Variants in DOCK3 observed in about 807,000 individuals in gnomAD.
DOCK3 encodes dedicator of cytokinesis protein 3.
Under a neutral mutation model 265.6 loss-of-function variants are expected in DOCK3, and 60 were observed. The observed-to-expected ratio is 0.23, with a 90% confidence interval of 0.18 to 0.28. DOCK3 has a LOEUF of 0.28. DOCK3 is among the 10% of genes least tolerant of loss of function. The pLI, the probability that DOCK3 is intolerant of heterozygous loss-of-function variation, is 1.00. For missense variants in DOCK3, 1,981 were observed against 2,594.3 expected (o/e 0.76, Z 5.14); for synonymous variants, 881 against 938.0 (o/e 0.94, Z 1.11).
intron 1 of DOCK3, among the ~76,000 whole-genome samples, chr3:50,720,731 C>T (rs531928245): frequency 6.6e-6 from 1 of 152,226 alleles, no homozygotes; most frequent in South Asian, 2.1e-4. Context: ...AATGGGATTG[C>T]TGGGTTGAAT....
At chr3:50,999,211 T>A (rs1003134956) in intron 5 of DOCK3, among the ~76,000 whole-genome samples, 4 of 152,202 alleles carry the variant, frequency 2.6e-5, no homozygotes, top group Admixed American at 1.3e-4. Flanking sequence ...CCTGTTAAGA[T>A]ATAAGTATAA....
At chr3:51,064,357 G>A (rs529877181) in intron 5 of DOCK3, 91 bp from the exon 6 acceptor site, 53 of 1,494,138 alleles carry the variant, frequency 3.5e-5, no homozygotes, top group Admixed American at 3.7e-5. Flanking sequence ...AGAGAAATGA[G>A]CACTTTTCAT....
chr3:50,977,959 T>C lies in DOCK3; in HGVS notation c.315+43882T>C, dbSNP rs537103468. ...ATCGGCTCCTGAGGCTTCTGCATTC[T>C]TCCCGTTGTTCTCGAGCCTTGGTTT... is the stretch of plus-strand genomic sequence containing the variant. On this transcript the variant is annotated intron_variant, in intron 5 of 52. Coordinates refer to ENST00000266037, the MANE Select transcript of DOCK3 (RefSeq NM_004947.5). Among the ~76,000 whole-genome samples the C allele has an allele frequency of 4.0e-3, 605 of 152,314 alleles. 8 individuals carry two copies. The highest frequency in any genetic ancestry group is 5.2e-3 in the Non-Finnish European group (354 of 68,038).
At chr3:50,991,374 T>C (rs1201880826) in intron 5 of DOCK3, among the ~76,000 whole-genome samples, 2 of 152,224 alleles carry the variant, frequency 1.3e-5, no homozygotes, top group Non-Finnish European at 2.9e-5. Flanking sequence ...GTGACACTCA[T>C]AGGCTCAAAA....
At chr3:51,215,713 T>A (rs2089744581) in intron 14 of DOCK3, among the ~76,000 whole-genome samples, 1 of 152,200 alleles carries the variant, frequency 6.6e-6, no homozygotes, top group Admixed American at 6.5e-5. Flanking sequence ...TCTCTCTCCA[T>A]AGACACTGTA....
rs192879748 is a variant in DOCK3 at position 51,303,699 on chromosome 3, C to T, written c.2923-6533C>T. Among the ~76,000 whole-genome samples, 7 of 152,316 alleles carry T rather than the reference C, an allele frequency of 4.6e-5. No individual in the cohort carries two copies. The East Asian group carries it at 5.8e-4, about 13-fold the overall frequency. ...GCTGCTCTGGTTTGCCGAGGGTTCA[C>T]TCCAGACCCTATTCACCTGGGTCCC... On this transcript the variant is annotated intron_variant, in intron 27 of 52. Transcript: ENST00000266037.
At chr3:50,928,541 A>G (rs2050893407) in intron 4 of DOCK3, among the ~76,000 whole-genome samples, 1 of 152,070 alleles carries the variant, frequency 6.6e-6, no homozygotes, top group South Asian at 2.1e-4. Context: ...TAATTTTTCC[A>G]TTCATCTATT....
At chr3:50,917,151 T>C (rs1575524607) in intron 4 of DOCK3, among the ~76,000 whole-genome samples, 1 of 152,242 alleles carries the variant, frequency 6.6e-6, no homozygotes, top group East Asian at 1.9e-4. Flanking sequence ...TTTCTTGTCA[T>C]ATCCTTTACT....
At position 51,260,236 on chromosome 3, in the gene DOCK3, A is replaced by G. The variant is rs966035656; in HGVS notation, c.2265A>G (p.Gln755=). 6.2e-7 allele frequency: 1 copy of G among 1,613,946 alleles called. No individual in the cohort carries two copies. Among genetic ancestry groups the G allele is most frequent in the Non-Finnish European group, 8.5e-7 (1 of 1,179,862 alleles). ...SRATCGMEEE[Q]FRSSIQELFQ... is the part of the protein sequence containing the mutation. The stretch of plus-strand genomic sequence containing the variant: ...CCACTTGTGGAATGGAAGAGGAACA[A>G]TTCAGATCCAGTATCCAAGAACTTT... Residue 755 remains glutamine (Q), a synonymous_variant, in exon 23 of 53, where the codon CAA becomes CAG. Transcript: ENST00000266037.
intron 22 of DOCK3, among the ~76,000 whole-genome samples, chr3:51,249,620 C>G (rs1269473669): frequency 1.7e-4 from 18 of 105,928 alleles, no homozygotes; most frequent in Non-Finnish European, 3.0e-4. Flanking sequence ...GCCCCCCGCC[C>G]GGCCAGCCGT....
chr3:50,879,839 C>T (rs550421078), intron 3 of DOCK3, among the ~76,000 whole-genome samples: 36 of 152,292 alleles, frequency 2.4e-4, no homozygotes, highest in Non-Finnish European at 5.0e-4. Flanking sequence ...TTTTTCTCAG[C>T]ACTACATCAC....
chr3:51,360,396 T>C (rs2086648229), intron 46 of DOCK3, 115 bp from the exon 47 acceptor site: 1 of 1,362,644 alleles, frequency 7.3e-7, no homozygotes, highest in African/African-American at 1.5e-5. Context: ...CAGCCAACCA[T>C]ATGATTCTTT....
chr3:51,068,560 A>AAAAAAAAAAAAAGAAG (rs529031027), intron 6 of DOCK3, among the ~76,000 whole-genome samples: 10 of 82,460 alleles, frequency 1.2e-4, no homozygotes, highest in Non-Finnish European at 2.0e-4. Flanking sequence ...AAAAAAAAAA[A>AAAAAAAAAAAAAGAAG]AAGAAGAAGA....
chr3:51,020,727 A>G (rs1281157013), intron 5 of DOCK3, among the ~76,000 whole-genome samples: 2 of 151,902 alleles, frequency 1.3e-5, no homozygotes, highest in African/African-American at 2.4e-5. Flanking sequence ...TAAATAGGGA[A>G]TTCTTTCCTG....
intron 27 of DOCK3, 25 bp downstream of exon 27, chr3:51,280,229 T>C: frequency 1.9e-6 from 3 of 1,603,492 alleles, no homozygotes; most frequent in Non-Finnish European, 2.6e-6. Flanking sequence ...ACCTTTCCTC[T>C]GGGAGAGGAA....
At chr3:50,684,861 G>A (rs1018437473) in intron 1 of DOCK3, among the ~76,000 whole-genome samples, 2 of 151,860 alleles carry the variant, frequency 1.3e-5, no homozygotes, top group Admixed American at 6.6e-5. Context: ...ATACATTTGA[G>A]CTTTTTATTT....
In DOCK3 at chr3:50,984,946, C is replaced by T. The variant is rs2108579199; in HGVS notation, c.315+50869C>T. On this transcript the variant is annotated intron_variant, in intron 5 of 52. Coordinates refer to ENST00000266037, the MANE Select transcript of DOCK3 (RefSeq NM_004947.5). ...GAGTAAGTTGTGTGCAAATACTGTG[C>T]CGTTTTATGTAAGTGACGAGTATCT... is the stretch of plus-strand genomic sequence containing the variant. 1.3e-5 allele frequency among the ~76,000 whole-genome samples: 2 copies of T among 152,190 alleles called. 1 individual carries two copies. The highest frequency in any genetic ancestry group is 6.8e-3 in the Middle Eastern group (2 of 294).
intron 27 of DOCK3, among the ~76,000 whole-genome samples, chr3:51,301,817 C>A (rs1374081427): frequency 1.3e-5 from 2 of 152,082 alleles, no homozygotes; most frequent in African/African-American, 2.4e-5. Flanking sequence ...TATTTCATTT[C>A]TTTTGCATTC....
At chr3:50,900,464 A>G (rs2049128301) in intron 4 of DOCK3, among the ~76,000 whole-genome samples, 1 of 152,106 alleles carries the variant, frequency 6.6e-6, no homozygotes, top group African/African-American at 2.4e-5. Flanking sequence ...CCCACCTTCT[A>G]AAGCCTACTT....
Sources: allele counts gnomAD v4.1 joint callset (sites outside exome capture counted in the v4.1 genomes callset), GRCh38; gene constraint gnomAD v4.1.1; transcripts MANE v1.5; gene names NCBI Gene and HGNC (gene_info 2026-07-23, HGNC 2026-07-21).